ATP8B1: variants seen among roughly 807,000 people sequenced by gnomAD.
ATP8B1 encodes phospholipid-transporting ATPase IC.
A neutral mutation model predicts 149.9 loss-of-function variants in ATP8B1; 80 were observed. The ratio of observed to expected loss-of-function variants is 0.53; its 90% CI spans 0.45 to 0.64. ATP8B1 has a LOEUF of 0.64. Among genes scored for constraint, ATP8B1 ranks in the 30% least tolerant of loss-of-function variants. The probability of loss-of-function intolerance (pLI) is 0.00; values close to 1 mark genes in which losing one functional copy is unlikely to be tolerated. For synonymous variants in ATP8B1, 536 were observed against 562.8 expected, an observed-to-expected ratio of 0.95 and a Z score of 0.67; for missense variants, 1,247 against 1,552.6, an observed-to-expected ratio of 0.80 and a Z score of 3.31.
At chr18:57,694,889 G>C (rs1218461427) in intron 10 of ATP8B1, among the ~76,000 whole-genome samples, 1 of 151,992 alleles carries the variant, frequency 6.6e-6, no homozygotes, top group African/African-American at 2.4e-5. Flanking sequence ...AATTATCTGG[G>C]CATGGTGGCA....
In ATP8B1 at chr18:57,727,732, A is replaced by G. The variant is rs372254918; in HGVS notation, c.181+3895T>C. On this transcript the variant is annotated intron_variant, in intron 2 of 27. Transcript: ENST00000648908. The stretch of plus-strand genomic sequence containing the variant: ...TGAACCCAGGAGCGGGGTTGCAGTG[A>G]GCCGATATCGCGCCTCTGCTCTCCA... Among the ~76,000 whole-genome samples, 10 of 152,206 alleles carry G rather than the reference A, an allele frequency of 6.6e-5. No individual in the cohort carries two copies. The East Asian group carries it at 1.2e-3, about 18-fold the overall frequency.
chr18:57,749,365 A>G (rs989748947), intron 1 of ATP8B1, among the ~76,000 whole-genome samples: 1 of 41,086 alleles, frequency 2.4e-5, no homozygotes, highest in Non-Finnish European at 4.7e-5. Flanking sequence ...GCTTTTCCAC[A>G]TTCCCCTTCT....
intron 2 of ATP8B1, among the ~76,000 whole-genome samples, chr18:57,719,531 C>T (rs746832264): frequency 3.3e-5 from 5 of 152,314 alleles, no homozygotes; most frequent in Non-Finnish European, 7.3e-5. Context: ...CACTCCCACC[C>T]GAATATTGCG....
intron 8 of ATP8B1, among the ~76,000 whole-genome samples, chr18:57,696,547 C>A (rs1405919770): frequency 2.3e-4 from 34 of 145,674 alleles, no homozygotes; most frequent in Admixed American, 3.4e-4. Flanking sequence ...TTTTTTCCGC[C>A]AAAAAAAAAA....
rs1215895922 is a variant in ATP8B1, at chr18:57,756,292, T to TATATATATATAC, written c.-25-24461_-25-24460insGTATATATATAT. Among the ~76,000 whole-genome samples, 32 of 69,522 alleles carry TATATATATATAC rather than the reference T, an allele frequency of 4.6e-4. 1 individual carries two copies. The highest frequency in any genetic ancestry group is 7.4e-3 in the Middle Eastern group (1 of 136). The allele number at this position is 69,522 out of a possible 152,430, so 45.6% of individuals were successfully genotyped here. The stretch of plus-strand genomic sequence containing the variant: ...AATATTTACACAACATATATATGTG[T>TATATATATATAC]GTGTGTATGTATATATATATATATT... On this transcript the variant is annotated intron_variant, in intron 1 of 27. Transcript: ENST00000648908.
chr18:57,713,240 C>T (rs1712954), intron 2 of ATP8B1, among the ~76,000 whole-genome samples: 3,283 of 64,156 alleles, frequency 0.051, 98 homozygotes, highest in African/African-American at 0.085. Context: ...TCCTTCCTTC[C>T]TTCTTTCTTT....
At position 57,775,652 on chromosome 18, in the gene ATP8B1, T is replaced by G. The variant is rs576622283; in HGVS notation, c.-26+27346A>C. ...GAAACAACTGGCCATGTTTTTTTTTTTTTTTTTTTGAAATGGAGTTTCGCT... is the reference window on the plus strand; with the variant it reads ...GAAACAACTGGCCATGTTTTTTTTTGTTTTTTTTTGAAATGGAGTTTCGCT... On this transcript the variant is annotated intron_variant, in intron 1 of 27. Coordinates refer to ENST00000648908, the MANE Select transcript of ATP8B1 (RefSeq NM_001374385.1). Among the ~76,000 whole-genome samples, 607 of 151,424 alleles carry G rather than the reference T, an allele frequency of 4.0e-3. 4 individuals are homozygous for G. In the Middle Eastern group the frequency reaches 0.054, roughly 14 times the overall value.
chr18:57,671,547 C>G lies in ATP8B1; in HGVS notation c.1853G>C (p.Cys618Ser). 1 of 1,614,060 alleles carries G rather than the reference C, an allele frequency of 6.2e-7. No individual in the cohort carries two copies. The highest frequency in any genetic ancestry group is 8.5e-7 in the Non-Finnish European group (1 of 1,179,954). The change falls in exon 17 of 28, where the codon TGT (cysteine) becomes TCT (serine). Residue 618 changes from cysteine to serine, a missense_variant. By Grantham distance (112) the Cys-to-Ser change is moderately radical (BLOSUM62 -1). Around this residue, in one of 3 missense-constraint regions of ATP8B1, gnomAD observed 853 missense variants for 1,035.7 expected, o/e 0.82. Coordinates refer to ENST00000648908, the MANE Select transcript of ATP8B1 (RefSeq NM_001374385.1). ...ATAAATAACAGTGTCAGCACCTTTA[C>G]AGTAAAGCTTGATATTGCCTTCTGG... ...RTPEGNIKLY[C>S]KGADTVIYER...
chr18:57,706,180 T>C (rs971444076), intron 3 of ATP8B1, among the ~76,000 whole-genome samples: 2 of 152,214 alleles, frequency 1.3e-5, no homozygotes, highest in African/African-American at 4.8e-5. Flanking sequence ...TCAAACTCAT[T>C]ACTTTCAAAC....
At chr18:57,696,285 G>A (rs1029779832) in intron 8 of ATP8B1, among the ~76,000 whole-genome samples, 9 of 152,136 alleles carry the variant, frequency 5.9e-5, no homozygotes, top group South Asian at 2.1e-4. Context: ...CGGGCGCCGC[G>A]GCTCACGCAT....
intron 22 of ATP8B1, 43 bp from the exon 23 acceptor site, chr18:57,655,460 T>A (rs775451106): frequency 1.3e-6 from 2 of 1,555,998 alleles, no homozygotes; most frequent in South Asian, 1.1e-5. Context: ...ATAAACCGAT[T>A]GTGAGGCAAA....
At chr18:57,699,142 G>C (rs911703818) in intron 6 of ATP8B1, among the ~76,000 whole-genome samples, 1 of 152,132 alleles carries the variant, frequency 6.6e-6, no homozygotes, top group African/African-American at 2.4e-5. Context: ...AGTAACTAAG[G>C]CCTCATTCCA....
At chr18:57,680,862 C>T (rs1911930590) in intron 15 of ATP8B1, among the ~76,000 whole-genome samples, 1 of 152,128 alleles carries the variant, frequency 6.6e-6, no homozygotes. Flanking sequence ...TGATCATTAA[C>T]TCAGAACCTC....
intron 1 of ATP8B1, among the ~76,000 whole-genome samples, chr18:57,781,461 A>C (rs1475682848): frequency 6.6e-6 from 1 of 152,196 alleles, no homozygotes; most frequent in Non-Finnish European, 1.5e-5. Flanking sequence ...CTTTATTTTT[A>C]CAAGAGGAAT....
chr18:57,653,682 C>CTTTTTTTTTTTTTTTT (rs71171057), intron 24 of ATP8B1, among the ~76,000 whole-genome samples: 1 of 117,826 alleles, frequency 8.5e-6, no homozygotes, highest in Non-Finnish European at 1.7e-5. Context: ...CCTCTTTTCT[C>CTTTTTTTTTTTTTTTT]TTTTTTTTTT....
At chr18:57,720,010 T>C (rs1220371593) in intron 2 of ATP8B1, among the ~76,000 whole-genome samples, 11 of 151,828 alleles carry the variant, frequency 7.2e-5, no homozygotes, top group Middle Eastern at 3.4e-3. Context: ...CGGCAGGGTA[T>C]TCCAACAGAC....
intron 1 of ATP8B1, among the ~76,000 whole-genome samples, chr18:57,770,066 C>CTT (rs1568063958): frequency 9.7e-6 from 1 of 103,578 alleles, no homozygotes; most frequent in African/African-American, 3.5e-5. Context: ...TGCTGAACTG[C>CTT]ATTTTTTTTT....
chr18:57,701,256 C>T lies in ATP8B1; in HGVS notation c.451G>A (p.Val151Met), dbSNP rs753790006. 49 of 1,614,096 alleles carry T rather than the reference C, an allele frequency of 3.0e-5. No individual in the cohort carries two copies. The highest frequency in any genetic ancestry group is 4.0e-5 in the Non-Finnish European group (47 of 1,180,050). ...WYTTLVPLLV[V>M]LGVTAIKDLV... ...TCTTTGATTGCAGTGACGCCCAGCA[C>T]CACAAGCAGGGGCACTAGTGTGGTG... is the stretch of plus-strand genomic sequence containing the variant. The change falls in exon 5 of 28, where the codon GTG becomes ATG. Residue 151 changes from valine to methionine, a missense_variant. Around this residue, in one of 3 missense-constraint regions of ATP8B1, gnomAD observed 853 missense variants for 1,035.7 expected, o/e 0.82. Transcript: ENST00000648908.
intron 15 of ATP8B1, among the ~76,000 whole-genome samples, chr18:57,677,550 CACCT>C (rs1318509822): frequency 8.0e-6 from 1 of 124,948 alleles, no homozygotes; most frequent in Non-Finnish European, 1.7e-5. Flanking sequence ...GAGCTAAACA[CACCT>C]TCCTTCCTTC....
Sources: allele counts gnomAD v4.1 joint callset (sites outside exome capture counted in the v4.1 genomes callset), GRCh38; gene constraint gnomAD v4.1.1; regional missense constraint gnomAD v4.1.1; transcripts MANE v1.5; gene names NCBI Gene and HGNC (gene_info 2026-07-23, HGNC 2026-07-21).